The following KCNT2 variants were observed in gnomAD, a reference collection of about 807,000 sequenced individuals.
KCNT2 encodes potassium sodium-activated channel subfamily T member 2.
KCNT2 carries 67 observed loss-of-function variants against 153.8 expected under a neutral mutation model. The observed-to-expected ratio is 0.44, with a 90% CI of 0.36 to 0.53. The LOEUF (loss-of-function observed/expected upper bound fraction) is 0.53, where lower values mean the gene tolerates loss of function less well. KCNT2 is among the 20% of genes least tolerant of loss of function. The pLI, the probability that KCNT2 is intolerant of heterozygous loss-of-function variation, is 0.00. For missense variants in KCNT2, 975 were observed against 1,354.8 expected, an observed-to-expected ratio of 0.72 and a Z score of 4.40; for synonymous variants, 500 against 458.8, an observed-to-expected ratio of 1.09 and a Z score of -1.15.
At chr1:196,499,066 C>T (rs1558010883) in intron 1 of KCNT2, among the ~76,000 whole-genome samples, 1 of 152,112 alleles carries the variant, frequency 6.6e-6, no homozygotes, top group Non-Finnish European at 1.5e-5. Context: ...CACACAGACA[C>T]ATATGCAGAA....
At chr1:196,407,149 A>G (rs1265879367) in intron 12 of KCNT2, among the ~76,000 whole-genome samples, 1 of 151,392 alleles carries the variant, frequency 6.6e-6, no homozygotes, top group Non-Finnish European at 1.5e-5. Context: ...ACTTCCCTCA[A>G]CACCAGATCC....
chr1:196,607,586 C>T (rs1455909863), intron 1 of KCNT2, among the ~76,000 whole-genome samples: 3 of 152,118 alleles, frequency 2.0e-5, no homozygotes, highest in South Asian at 2.1e-4. Context: ...CATCATTATT[C>T]ATAATGGTCA....
chr1:196,239,811 G>T (rs1264554727), intron 26 of KCNT2, among the ~76,000 whole-genome samples: 2 of 151,894 alleles, frequency 1.3e-5, no homozygotes, highest in East Asian at 3.9e-4. Context: ...TTTGGAGATA[G>T]AGCCTCAAAA....
At position 196,423,736 on chromosome 1, in the gene KCNT2, CAA is replaced by C. The variant is rs57296160; in HGVS notation, c.1122-625_1122-624del. On this transcript the variant is annotated intron_variant, in intron 11 of 27. Coordinates refer to ENST00000294725, the MANE Select transcript of KCNT2 (RefSeq NM_198503.5). The stretch of plus-strand genomic sequence containing the variant: ...TCTCTGTGATAAAGTAAATATTTTC[CAA>C]AAAAAAAAATGGTTTCTATGGGGAG... 6.8e-4 allele frequency among the ~76,000 whole-genome samples: 102 copies of C among 149,134 alleles called. 2 individuals carry two copies. Among genetic ancestry groups the C allele is most frequent in the East Asian group, 1.6e-3 (8 of 5,040 alleles).
At chr1:196,356,498 C>T (rs889683087) in intron 14 of KCNT2, among the ~76,000 whole-genome samples, 1 of 151,682 alleles carries the variant, frequency 6.6e-6, no homozygotes, top group Non-Finnish European at 1.5e-5. Flanking sequence ...TCATTCATAG[C>T]TTAAATTTTG....
intron 1 of KCNT2, among the ~76,000 whole-genome samples, chr1:196,590,228 C>T (rs1299143180): frequency 4.6e-5 from 7 of 152,158 alleles, no homozygotes; most frequent in Non-Finnish European, 1.5e-5. Context: ...ACTTTTCCCA[C>T]ACTTTTGACC....
chr1:196,504,089 T>A (rs549991903), intron 1 of KCNT2, among the ~76,000 whole-genome samples: 285 of 152,318 alleles, frequency 1.9e-3, no homozygotes, highest in African/African-American at 6.3e-3. Flanking sequence ...TGGGTTTTTT[T>A]AATTATTATT....
At chr1:196,313,239 T>A (rs1476548990) in intron 21 of KCNT2, among the ~76,000 whole-genome samples, 1 of 151,528 alleles carries the variant, frequency 6.6e-6, no homozygotes, top group African/African-American at 2.4e-5. Context: ...GAGTTGAGAA[T>A]ATTAGAAGAA....
Position 196,333,925 on chromosome 1 carries a change from G to A in KCNT2, c.1919C>T (p.Ser640Leu), listed in dbSNP as rs149725107. The change falls in exon 17 of 28, where the codon TCG becomes TTG. Residue 640 changes from serine to leucine, a missense_variant. Transcript: ENST00000294725. ...ACTTAGAAGATCACATGTTTGAATC[G>A]ATGATGTATCTGCAACCTCTAAAAC... is the stretch of plus-strand genomic sequence containing the variant. ...APVLEVADTS[S>L]IQTCDLLSDQ... is the part of the protein sequence containing the mutation. 543 of 1,612,424 alleles carry A rather than the reference G, an allele frequency of 3.4e-4. 1 individual carries two copies. The highest frequency in any genetic ancestry group is 1.3e-3 in the Middle Eastern group (8 of 6,056).
At chr1:196,413,180 G>C (rs1423300763) in intron 12 of KCNT2, among the ~76,000 whole-genome samples, 2 of 151,524 alleles carry the variant, frequency 1.3e-5, no homozygotes, top group Non-Finnish European at 3.0e-5. Flanking sequence ...CATTTGAATA[G>C]TAAGCTAAGC....
intron 1 of KCNT2, among the ~76,000 whole-genome samples, chr1:196,542,264 C>T (rs1656480796): frequency 6.6e-6 from 1 of 152,124 alleles, no homozygotes; most frequent in Non-Finnish European, 1.5e-5. Context: ...TTTTTAAGAA[C>T]TGACCCAAAT....
At chr1:196,457,754 A>G (rs781262419) in intron 8 of KCNT2, among the ~76,000 whole-genome samples, 8 of 151,950 alleles carry the variant, frequency 5.3e-5, no homozygotes, top group Non-Finnish European at 1.2e-4. Flanking sequence ...CTTCTTACCT[A>G]TCTTCCATAA....
intron 12 of KCNT2, among the ~76,000 whole-genome samples, chr1:196,411,058 C>CTT (rs2148482037): frequency 1.6e-5 from 1 of 62,550 alleles, no homozygotes; most frequent in African/African-American, 6.0e-5. Flanking sequence ...TCCTCTATTC[C>CTT]CTCCTTCCTT....
At chr1:196,426,628 A>T (rs889492077) in intron 10 of KCNT2, among the ~76,000 whole-genome samples, 1 of 151,962 alleles carries the variant, frequency 6.6e-6, no homozygotes. Context: ...TCTGGTAAAC[A>T]TTCACCATTT....
At chr1:196,536,128 A>G (rs4341317) in intron 1 of KCNT2, among the ~76,000 whole-genome samples, 1 of 152,210 alleles carries the variant, frequency 6.6e-6, no homozygotes, top group Non-Finnish European at 1.5e-5. Flanking sequence ...CATTACCACA[A>G]GGCTGCTTTA....
rs538158517 is a variant in KCNT2 at position 196,431,211 on chromosome 1, C to G, written c.639-1454G>C. On this transcript the variant is annotated intron_variant, in intron 8 of 27. Transcript: ENST00000294725. ...TGTTTCTGTTCATAAATTACCCAGT[C>G]TCAAGTATTTTGTTACAGCAGCACA... 3.8e-4 allele frequency among the ~76,000 whole-genome samples: 58 copies of G among 152,212 alleles called. 1 individual carries two copies. The South Asian group carries it at 6.8e-3, about 18-fold the overall frequency.
intron 1 of KCNT2, among the ~76,000 whole-genome samples, chr1:196,548,505 A>G (rs1294724684): frequency 6.6e-6 from 1 of 152,058 alleles, no homozygotes; most frequent in Admixed American, 6.6e-5. Flanking sequence ...TCAGGAAACA[A>G]CAGGTGCTGG....
At chr1:196,361,028 G>C (rs959911740) in intron 14 of KCNT2, among the ~76,000 whole-genome samples, 2 of 151,992 alleles carry the variant, frequency 1.3e-5, no homozygotes, top group Non-Finnish European at 2.9e-5. Flanking sequence ...TAAGAAAAAG[G>C]CCTTTCCATG....
intron 18 of KCNT2, among the ~76,000 whole-genome samples, chr1:196,328,052 G>A (rs181643222): frequency 2.8e-4 from 43 of 152,136 alleles, no homozygotes; most frequent in Admixed American, 2.4e-3. Context: ...GACCCACAAA[G>A]ACTACGAATT....
Sources: gnomAD v4.1 joint callset for allele counts (sites outside exome capture counted in the v4.1 genomes callset) on GRCh38, gnomAD v4.1.1 for gene constraint, MANE v1.5 for transcripts, NCBI Gene and HGNC (gene_info 2026-07-23, HGNC 2026-07-21) for gene names.